The following SASH1 variants were observed in gnomAD, a reference collection of about 807,000 sequenced individuals.
The protein encoded by SASH1 is SAM and SH3 domain containing 1, also known as SAM and SH3 domain-containing protein 1.
A neutral mutation model predicts 125.2 loss-of-function variants in SASH1; 44 were observed. The ratio of observed to expected loss-of-function variants is 0.35; its 90% confidence interval spans 0.28 to 0.45. The LOEUF (loss-of-function observed/expected upper bound fraction) is 0.45. SASH1 is among the 20% of genes least tolerant of loss of function. The pLI is 1.00. For synonymous variants in SASH1, 639 were observed against 649.1 expected, an observed-to-expected ratio of 0.98 and a Z score of 0.24; for missense variants, 1,426 against 1,614.5, an observed-to-expected ratio of 0.88 and a Z score of 2.00.
intron 1 of SASH1, among the ~76,000 whole-genome samples, chr6:148,360,784 C>G (rs1782169052): frequency 6.6e-6 from 1 of 152,210 alleles, no homozygotes; most frequent in African/African-American, 2.4e-5. Flanking sequence ...ATACTAAGCT[C>G]TCTCCATACC....
chr6:148,513,121 T>A (rs1174985607), intron 8 of SASH1: 1 of 985,418 alleles, frequency 1.0e-6, no homozygotes. Flanking sequence ...AACTCTTGCT[T>A]ATCTGTTTTA....
chr6:148,447,710 T>TCTC (rs767373841), intron 4 of SASH1, among the ~76,000 whole-genome samples: 8 of 149,754 alleles, frequency 5.3e-5, no homozygotes, highest in Middle Eastern at 3.5e-3. Flanking sequence ...TCTTCCTCCT[T>TCTC]CTCCTCCTCC....
intron 1 of SASH1, among the ~76,000 whole-genome samples, chr6:148,387,021 TTCTC>T (rs148649820): frequency 0.059 from 8,943 of 151,614 alleles, 389 homozygotes; most frequent in East Asian, 0.14. Context: ...CTTGCTTGCT[TTCTC>T]TCTCTCTTTC....
chr6:148,363,567 A>G (rs912869401), intron 1 of SASH1, among the ~76,000 whole-genome samples: 1 of 151,878 alleles, frequency 6.6e-6, no homozygotes, highest in Non-Finnish European at 1.5e-5. Context: ...CACCCGGCTA[A>G]TTTTCTGTAT....
intron 1 of SASH1, among the ~76,000 whole-genome samples, chr6:148,349,241 CTTCTTTCTTTCTTTTTTTTTTTTT>C (rs1389055096): frequency 9.2e-5 from 8 of 87,102 alleles, no homozygotes; most frequent in South Asian, 4.9e-4. Flanking sequence ...TTCATTCTTT[CTTCTTTCTTTCTTTTTTTTTTTTT>C]TTTTTTTTTT....
chr6:148,286,667 C>G (rs1232695998), intron 1 of SASH1, among the ~76,000 whole-genome samples: 1 of 152,118 alleles, frequency 6.6e-6, no homozygotes, highest in Non-Finnish European at 1.5e-5. Flanking sequence ...TCCTAACCCC[C>G]TCCTCTTCTA....
chr6:148,524,097 TTATA>T (rs371819726), intron 10 of SASH1, among the ~76,000 whole-genome samples: 8 of 79,548 alleles, frequency 1.0e-4, no homozygotes, highest in Non-Finnish European at 1.3e-4. Flanking sequence ...ATTCAGTTAA[TTATA>T]TATATATATA....
chr6:148,445,908 G>A (rs1314483044), intron 4 of SASH1, among the ~76,000 whole-genome samples: 1 of 151,930 alleles, frequency 6.6e-6, no homozygotes, highest in Non-Finnish European at 1.5e-5. Flanking sequence ...ACGAGCTTAC[G>A]TTTGAAGGCA....
chr6:148,399,854 A>T (rs1002170136), intron 2 of SASH1, among the ~76,000 whole-genome samples: 5 of 152,182 alleles, frequency 3.3e-5, no homozygotes, highest in Admixed American at 2.6e-4. Context: ...AGGACCATTC[A>T]GGGGGTGAAC....
At chr6:148,507,342 C>T (rs1001784119) in intron 8 of SASH1, among the ~76,000 whole-genome samples, 6 of 147,886 alleles carry the variant, frequency 4.1e-5, no homozygotes, top group African/African-American at 9.8e-5. Context: ...TTGGGAGCTT[C>T]GTATTCCAAT....
At chr6:148,513,356 G>A (rs1204533085) in intron 8 of SASH1, 33 of 985,448 alleles carry the variant, frequency 3.3e-5, no homozygotes, top group Non-Finnish European at 3.5e-5. Flanking sequence ...GTGCCGAGGC[G>A]GCTGCTCCCA....
intron 8 of SASH1, among the ~76,000 whole-genome samples, chr6:148,511,772 C>G (rs1476785459): frequency 1.3e-5 from 2 of 152,096 alleles, no homozygotes; most frequent in East Asian, 3.9e-4. Flanking sequence ...AAAGTTCACT[C>G]TAGTACATAT....
chr6:148,511,003 A>C (rs1264013493), intron 8 of SASH1, among the ~76,000 whole-genome samples: 1 of 151,950 alleles, frequency 6.6e-6, no homozygotes, highest in East Asian at 1.9e-4. Context: ...CTCAAAAAAA[A>C]AAAAAAAAAA....
At chr6:148,457,523 A>C (rs909145540) in intron 4 of SASH1, among the ~76,000 whole-genome samples, 3 of 151,892 alleles carry the variant, frequency 2.0e-5, no homozygotes, top group African/African-American at 7.3e-5. Flanking sequence ...TTATATAAAG[A>C]CTCTAGGCCA....
At chr6:148,325,371 G>A (rs1027697756) in intron 1 of SASH1, among the ~76,000 whole-genome samples, 30 of 151,850 alleles carry the variant, frequency 2.0e-4, no homozygotes, top group African/African-American at 6.3e-4. Flanking sequence ...CTGCCTCCCG[G>A]GTTCAAGTGA....
chr6:148,295,050 A>G (rs547421503), intron 1 of SASH1, among the ~76,000 whole-genome samples: 4 of 152,142 alleles, frequency 2.6e-5, no homozygotes, highest in Admixed American at 1.3e-4. Context: ...ACCTATTATT[A>G]TTTTCTTTCT....
chr6:148,489,894 T>C (rs1432728071), intron 8 of SASH1, among the ~76,000 whole-genome samples: 1 of 124,728 alleles, frequency 8.0e-6, no homozygotes, highest in Non-Finnish European at 1.7e-5. Context: ...GTGTATAGTG[T>C]TAGGGTTTTC....
chr6:148,448,140 A>ATG (rs1247164357), intron 4 of SASH1, among the ~76,000 whole-genome samples: 5 of 66,354 alleles, frequency 7.5e-5, no homozygotes, highest in South Asian at 5.8e-4. Context: ...GTGTGTGTGT[A>ATG]TGTGTGTGTG....
At chr6:148,518,145 G>A (rs1031501026) in intron 9 of SASH1, among the ~76,000 whole-genome samples, 44 of 152,144 alleles carry the variant, frequency 2.9e-4, no homozygotes, top group African/African-American at 9.9e-4. Flanking sequence ...GTGTCCTGAG[G>A]AAGGAGCGGG....
Sources: allele counts gnomAD v4.1 joint callset (sites outside exome capture counted in the v4.1 genomes callset), GRCh38; gene constraint gnomAD v4.1.1; transcripts MANE v1.5; gene names NCBI Gene and HGNC (gene_info 2026-07-23, HGNC 2026-07-21).